Variants in CHD8 observed in about 807,000 individuals in gnomAD.
CHD8 encodes the protein ATP-dependent chromatin remodeler CHD8.
A neutral mutation model predicts 279.2 loss-of-function variants in CHD8; 31 were observed. The observed-to-expected ratio is 0.11, with a 90% CI of 0.08 to 0.15. The LOEUF is 0.15. Ranked by LOEUF, CHD8 falls within the 10% of genes least tolerant of loss-of-function variation. The probability of loss-of-function intolerance (pLI) is 1.00; values close to 1 mark genes in which losing one functional copy is unlikely to be tolerated. For missense variants in CHD8, 2,146 were observed against 3,230.5 expected (o/e 0.66, Z 8.14); for synonymous variants, 1,081 against 1,139.6 (o/e 0.95, Z 1.04).
chr14:21,451,201 T>C (rs1890246600), intron 1 of CHD8, among the ~76,000 whole-genome samples: 1 of 152,048 alleles, frequency 6.6e-6, no homozygotes, highest in African/African-American at 2.4e-5. Flanking sequence ...GAGGTTAGAA[T>C]GTTGTCTAAG....
intron 5 of CHD8, among the ~76,000 whole-genome samples, chr14:21,423,096 G>A (rs1029547787): frequency 4.6e-5 from 7 of 151,958 alleles, no homozygotes; most frequent in Non-Finnish European, 1.0e-4. Context: ...GGCGCCACCT[G>A]TAATCACAGC....
Position 21,400,886 on chromosome 14 carries a change from G to A in CHD8, c.4359C>T (p.Leu1453=), listed in dbSNP as rs1233219792. 4 of 1,610,988 alleles carry A rather than the reference G, an allele frequency of 2.5e-6. No individual in the cohort carries two copies. In the Admixed American group the frequency reaches 6.7e-5, roughly 27 times the overall value. Residue 1453 remains leucine, a synonymous_variant, in exon 22 of 38, where the codon CTC becomes CTT. Coordinates refer to ENST00000646647, the MANE Select transcript of CHD8 (RefSeq NM_001170629.2). The surrounding 1 kb of genome is among the most constrained non-coding windows in gnomAD (Gnocchi z 4.2). ...AGTTGGGGTCTTACCCATATACCAGGAGATGCTTTTCCACCCGAAAGCAGT... is the reference window on the plus strand; with the variant it reads ...AGTTGGGGTCTTACCCATATACCAGAAGATGCTTTTCCACCCGAAAGCAGT... The part of the protein sequence containing the change: ...RTDCFRVEKH[L]LVYGWGRWRD...
At position 21,386,186 on chromosome 14, in the gene CHD8, G is replaced by A. The variant is rs1020765338; in HGVS notation, c.7183-10C>T. On this transcript the variant is annotated splice_polypyrimidine_tract_variant and intron_variant, in intron 37 of 37. Coordinates refer to ENST00000646647, the MANE Select transcript of CHD8 (RefSeq NM_001170629.2). Reference sequence around the variant, plus strand: ...TTTCAGTGTGATGACCCTAGGAGGAGGGAATAGAAGATAATAAAAAGAAAG... The same window carrying A: ...TTTCAGTGTGATGACCCTAGGAGGAAGGAATAGAAGATAATAAAAAGAAAG... 7.2e-6 allele frequency: 11 copies of A among 1,534,320 alleles called. No individual in the cohort carries two copies. Among genetic ancestry groups the A allele is most frequent in the African/African-American group, 4.2e-5 (3 of 72,040 alleles).
In CHD8 at chr14:21,393,578, G is replaced by A. The variant is rs1887643119; in HGVS notation, c.6217C>T (p.Leu2073=). 2 of 1,613,156 alleles carry A rather than the reference G, an allele frequency of 1.2e-6. No individual in the cohort carries two copies. The highest frequency in any genetic ancestry group is 1.7e-6 in the Non-Finnish European group (2 of 1,179,576). ...GATGGTGACAGCTTGCTCAAGTCCA[G>A]CTCAGAGTCCGAATCATCCTCATCC... ...LEDEDDSDSE[L]DLSKLSPSSS... is the part of the protein sequence containing the mutation. Residue 2073 remains leucine, a synonymous_variant, in exon 32 of 38, where the codon CTG becomes TTG. Coordinates refer to ENST00000646647, the MANE Select transcript of CHD8 (RefSeq NM_001170629.2).
chr14:21,448,307 T>C (rs1223696390), intron 1 of CHD8, among the ~76,000 whole-genome samples: 1 of 152,244 alleles, frequency 6.6e-6, no homozygotes, highest in Non-Finnish European at 1.5e-5. Context: ...GTGAATTATA[T>C]GCAAGACTGA....
intron 1 of CHD8, among the ~76,000 whole-genome samples, chr14:21,437,916 C>T (rs1470236287): frequency 6.6e-6 from 1 of 152,136 alleles, no homozygotes; most frequent in Non-Finnish European, 1.5e-5. Flanking sequence ...AACTCGGTTT[C>T]CTGTTCTCCC....
Position 21,394,930 on chromosome 14 carries a change from C to G in CHD8, c.5372G>C (p.Arg1791Pro). Residue 1791 changes from arginine (R) to proline (P), a missense_variant, in exon 30 of 38, where the codon CGG becomes CCG. Arg to Pro is a moderately radical substitution (Grantham distance 103). Around this residue, in one of 26 missense-constraint regions of CHD8, gnomAD observed 513 missense variants for 637.6 expected, o/e 0.80. Coordinates refer to ENST00000646647, the MANE Select transcript of CHD8 (RefSeq NM_001170629.2). The stretch of plus-strand genomic sequence containing the variant: ...ATTTTACCGTTGTTGTTTCTCCCGC[C>G]GTGCAATTTCTTTCAGCTTGAAGGC... ...EAAFKLKEIA[R>P]REKQQRWTRR... 3.1e-6 allele frequency: 5 copies of G among 1,613,938 alleles called. No individual in the cohort carries two copies. The highest frequency in any genetic ancestry group is 4.2e-6 in the Non-Finnish European group (5 of 1,179,812).
In CHD8 at chr14:21,399,658, G is replaced by A; in HGVS notation, c.4865C>T (p.Thr1622Ile). 6.2e-7 allele frequency: 1 copy of A among 1,613,756 alleles called. No individual in the cohort carries two copies. The highest frequency in any genetic ancestry group is 8.5e-7 in the Non-Finnish European group (1 of 1,179,702). The stretch of plus-strand genomic sequence containing the variant: ...GTCAGCCTCACTGTCCCACCAAGTT[G>A]TTGGAACCTCCAGTTGATCCACTAC... ...FPVVDQLEVP[T>I]TWWDSEADKS... The change falls in exon 26 of 38, where the codon ACA becomes ATA. Residue 1622 changes from threonine to isoleucine, a missense_variant. This residue lies in a region of CHD8 where 33 missense variants were observed against 34.8 expected (regional missense o/e 0.95). Coordinates refer to ENST00000646647, the MANE Select transcript of CHD8 (RefSeq NM_001170629.2).
chr14:21,421,372 T>C (rs1019270605), intron 5 of CHD8, among the ~76,000 whole-genome samples: 2 of 151,756 alleles, frequency 1.3e-5, no homozygotes, highest in African/African-American at 4.8e-5. Flanking sequence ...TGTTTTTAAC[T>C]GCCATCTAGT....
At position 21,386,098 on chromosome 14, in the gene CHD8, T is replaced by C. The variant is rs1367851232; in HGVS notation, c.7261A>G (p.Arg2421Gly). The C allele has an allele frequency of 6.4e-7, 1 of 1,560,776 alleles. No homozygotes were observed. The highest frequency in any genetic ancestry group is 1.9e-5 in the Admixed American group (1 of 52,026). The change falls in exon 38 of 38, where the codon AGG (arginine) becomes GGG (glycine). Residue 2421 changes from arginine (R) to glycine (G), a missense_variant. Arg to Gly is a moderately radical substitution (Grantham distance 125, BLOSUM62 -2). Around this residue, in one of 26 missense-constraint regions of CHD8, gnomAD observed 336 missense variants for 392.9 expected, o/e 0.86. Transcript: ENST00000646647. ...ATCTTAGAAAGGTCTGGTCGCATCC[T>C]ACGGGCCCGCTTCTTGCTGCTCTCT... ...APESSKKRAR[R>G]MRPDLSKMMA... is the part of the protein sequence containing the mutation.
chr14:21,396,693 C>A (rs1160337170), intron 27 of CHD8: 1 of 152,310 alleles, frequency 6.6e-6, no homozygotes, highest in Non-Finnish European at 1.5e-5. Flanking sequence ...CCTGCCTCAG[C>A]CTCCCAAGTA....
intron 27 of CHD8, 43 bp from the exon 28 acceptor site, chr14:21,395,935 T>C (rs1240624306): frequency 4.7e-6 from 6 of 1,288,804 alleles, no homozygotes; most frequent in Non-Finnish European, 5.6e-6. Flanking sequence ...ATAATGTATC[T>C]TCTATCACTA....
In CHD8 at chr14:21,405,616, G is replaced by C. The variant is rs561876882; in HGVS notation, c.3051+105C>G. On this transcript the variant is annotated intron_variant, in intron 15 of 37. Coordinates refer to ENST00000646647, the MANE Select transcript of CHD8 (RefSeq NM_001170629.2). This position sits in a 1 kb window ranked among gnomAD's most constrained non-coding sequence, Gnocchi z 4.2. ...AAATGATGTAGGCACAAGGTTATAAGGAGTTCAGAAAGGCCCTTGAGATAC... is the reference window on the plus strand; with the variant it reads ...AAATGATGTAGGCACAAGGTTATAACGAGTTCAGAAAGGCCCTTGAGATAC... The C allele has an allele frequency of 1.3e-5, 19 of 1,471,148 alleles. No homozygotes were observed. In the Admixed American group the frequency reaches 2.2e-4, roughly 17 times the overall value. The allele number at this position is 1,471,148 out of a possible 1,614,324, so 91.1% of individuals were successfully genotyped here. A position where few individuals can be genotyped will look rare whatever the true frequency, so the allele number is the denominator to read the frequency against.
At chr14:21,392,833 C>T in intron 33 of CHD8, 24 bp from the exon 34 acceptor site, 2 of 1,608,260 alleles carry the variant, frequency 1.2e-6, no homozygotes, top group Non-Finnish European at 1.7e-6. Flanking sequence ...GAAAGAAATA[C>T]CATTTTAAGA....
chr14:21,431,788 AGT>A lies in CHD8; in HGVS notation c.-147_-146del. The stretch of plus-strand genomic sequence containing the variant: ...TCTTCAAGTATAGAGGCAAGAAACA[AGT>A]GCATGTCAGATTGTCCTGACCTTCA... On this transcript the variant is annotated 5_prime_UTR_variant, in exon 2 of 38. An upstream open reading frame in the 5' UTR gains an earlier in-frame stop. Transcript: ENST00000646647. 3 of 1,613,690 alleles carry A rather than the reference AGT, an allele frequency of 1.9e-6. No individual in the cohort carries two copies. The highest frequency in any genetic ancestry group is 2.5e-6 in the Non-Finnish European group (3 of 1,179,614).
rs749933003 is a variant in CHD8, at chr14:21,393,512, TGCTGGA to T, written c.6277_6282del (p.Ser2093_Ser2094del). 12 of 1,589,500 alleles carry T rather than the reference TGCTGGA, an allele frequency of 7.5e-6. No individual in the cohort carries two copies. The highest frequency in any genetic ancestry group is 2.7e-5 in the African/African-American group (2 of 74,482). Reference sequence around the variant, plus strand: ...TCCTTCTCATCCTCACTCTCATCAGTGCTGGAGCTGGAGCTGGATGAGGATGAGGAA... The same window carrying T: ...TCCTTCTCATCCTCACTCTCATCAGTGCTGGAGCTGGATGAGGATGAGGAA... On this transcript the variant is annotated inframe_deletion, in exon 32 of 38. Coordinates refer to ENST00000646647, the MANE Select transcript of CHD8 (RefSeq NM_001170629.2).
Position 21,392,406 on chromosome 14 carries a change from A to G in CHD8, c.6771+101T>C, listed in dbSNP as rs1040689640. 1.2e-5 allele frequency: 14 copies of G among 1,175,882 alleles called. No individual in the cohort carries two copies. In the Admixed American group the frequency reaches 2.0e-4, roughly 17 times the overall value. 72.8% of individuals were successfully genotyped at this position (1,175,882 alleles called of 1,614,324 possible). On this transcript the variant is annotated intron_variant, in intron 34 of 37. Transcript: ENST00000646647. Reference sequence around the variant, plus strand: ...TAAGCTCTGTTTTCTCATTTTTAAAATTAGCTAACCAAATGAGTTTAGTAA... The same window carrying G: ...TAAGCTCTGTTTTCTCATTTTTAAAGTTAGCTAACCAAATGAGTTTAGTAA...
Position 21,391,151 on chromosome 14 carries a change from A to G in CHD8, c.7066-88T>C, listed in dbSNP as rs1887520051. ...GTACTAGTGTCTTTTGTTTGATAAT[A>G]AACACTTATTACATAGATAAAGGAT... On this transcript the variant is annotated intron_variant, in intron 36 of 37. Coordinates refer to ENST00000646647, the MANE Select transcript of CHD8 (RefSeq NM_001170629.2). 7 of 899,298 alleles carry G rather than the reference A, an allele frequency of 7.8e-6. No homozygotes were observed. In the Admixed American group the frequency reaches 1.3e-4, roughly 16 times the overall value. The allele number at this position is 899,298 out of a possible 1,614,324, so 55.7% of individuals were successfully genotyped here. A position where few individuals can be genotyped will look rare whatever the true frequency, so the allele number is the denominator to read the frequency against.
In CHD8 at chr14:21,410,127, C is replaced by T. The variant is rs139890248; in HGVS notation, c.2227-139G>A. 70 of 691,918 alleles carry T rather than the reference C, an allele frequency of 1.0e-4. No individual in the cohort carries two copies. The Middle Eastern group carries it at 2.4e-3, about 24-fold the overall frequency. 42.9% of individuals were successfully genotyped at this position (691,918 alleles called of 1,614,324 possible). A position where few individuals can be genotyped will look rare whatever the true frequency, so the allele number is the denominator to read the frequency against. ...GTTGAAAAAGTCAGGCCAAACACAT[C>T]GACCAAAAGTTCACCTTCTGATGCA... On this transcript the variant is annotated intron_variant, in intron 10 of 37. Transcript: ENST00000646647.
Sources: allele counts gnomAD v4.1 joint callset (sites outside exome capture counted in the v4.1 genomes callset), GRCh38; gene constraint gnomAD v4.1.1; regional missense constraint gnomAD v4.1.1; non-coding constraint Gnocchi (gnomAD v3.1); transcripts MANE v1.5; gene names NCBI Gene and HGNC (gene_info 2026-07-23, HGNC 2026-07-21).